The following CSGALNACT1 variants were observed in gnomAD, a reference collection of about 807,000 sequenced individuals.
The protein encoded by CSGALNACT1 is chondroitin sulfate N-acetylgalactosaminyltransferase 1.
CSGALNACT1 carries 52 observed loss-of-function variants against 51.0 expected under a neutral mutation model. The observed-to-expected ratio is 1.02, with a 90% confidence interval of 0.82 to 1.29. The LOEUF is 1.29. Among genes scored for constraint, CSGALNACT1 ranks in the 50% most tolerant of loss-of-function variants. CSGALNACT1 has a pLI of 0.00. For missense variants in CSGALNACT1, 935 were observed against 679.2 expected, an observed-to-expected ratio of 1.38 and a Z score of -4.19; for synonymous variants, 341 against 254.4, an observed-to-expected ratio of 1.34 and a Z score of -3.24.
rs143340557 is a variant in CSGALNACT1 at position 19,647,243 on chromosome 8, C to G, written c.-544+35230G>C. Among the ~76,000 whole-genome samples the G allele has an allele frequency of 1.9e-3, 294 of 152,192 alleles. 1 individual carries two copies. Among genetic ancestry groups the G allele is most frequent in the African/African-American group, 6.8e-3 (281 of 41,522 alleles). On this transcript the variant is annotated intron_variant, in intron 1 of 9. Coordinates refer to the CSGALNACT1 transcript ENST00000332246. ...CCAACAAGTATTTCCTGATTTTATA[C>G]CCCAGTGACTAAAAATGGCTACACG...
chr8:19,527,320 G>T (rs945973376), intron 3 of CSGALNACT1, among the ~76,000 whole-genome samples: 17 of 152,156 alleles, frequency 1.1e-4, no homozygotes, highest in African/African-American at 4.1e-4. Flanking sequence ...ATAAAAGAGG[G>T]CCAGGAACAG....
chr8:19,679,307 T>G (rs183554623), intron 1 of CSGALNACT1, among the ~76,000 whole-genome samples: 1 of 151,446 alleles, frequency 6.6e-6, no homozygotes, highest in East Asian at 1.9e-4. Context: ...ATACAAAAAT[T>G]AGTGGGGTTT....
At chr8:19,554,114 A>C (rs1308053216) in intron 3 of CSGALNACT1, among the ~76,000 whole-genome samples, 1 of 152,198 alleles carries the variant, frequency 6.6e-6, no homozygotes, top group Non-Finnish European at 1.5e-5. Context: ...TGAAAAAACA[A>C]AGCCCACAGC....
chr8:19,574,164 T>C (rs2043637137), intron 3 of CSGALNACT1, among the ~76,000 whole-genome samples: 1 of 152,236 alleles, frequency 6.6e-6, no homozygotes, highest in Admixed American at 6.5e-5. Context: ...TCTCCAGCCC[T>C]GGCCTCCCAA....
chr8:19,695,646 T>C (rs2061545487), intron 1 of CSGALNACT1, among the ~76,000 whole-genome samples: 1 of 152,134 alleles, frequency 6.6e-6, no homozygotes, highest in Non-Finnish European at 1.5e-5. Context: ...GTACTGCAGA[T>C]TGGAGTAGAG....
chr8:19,613,632 C>G (rs1182374419), intron 1 of CSGALNACT1, among the ~76,000 whole-genome samples: 1 of 152,164 alleles, frequency 6.6e-6, no homozygotes, highest in Non-Finnish European at 1.5e-5. Context: ...TTGTTTGTTC[C>G]TACTGGAGCT....
At chr8:19,473,608 T>A (rs1307199889) in intron 4 of CSGALNACT1, among the ~76,000 whole-genome samples, 1 of 152,226 alleles carries the variant, frequency 6.6e-6, no homozygotes. Flanking sequence ...TTCCTAGTCT[T>A]AAAAATTAGA....
chr8:19,682,602 C>A (rs1317094873), upstream of CSGALNACT1: 4 of 453,832 alleles, frequency 8.8e-6, no homozygotes, highest in African/African-American at 4.0e-5. Context: ...CTGATGTACA[C>A]TGGGACTTCA....
intron 1 of CSGALNACT1, among the ~76,000 whole-genome samples, chr8:19,658,520 G>A (rs1554789084): frequency 6.6e-6 from 1 of 152,130 alleles, no homozygotes; most frequent in Non-Finnish European, 1.5e-5. Context: ...GATCACCTGA[G>A]GTCAGGAGTT....
chr8:19,603,970 T>C (rs553311013), upstream of CSGALNACT1, among the ~76,000 whole-genome samples: 312 of 152,252 alleles, frequency 2.0e-3, 3 homozygotes, highest in African/African-American at 7.3e-3. Context: ...AGCCCTGGAG[T>C]GTGTGGTACT....
At chr8:19,544,585 C>A (rs2086039609) in intron 3 of CSGALNACT1, among the ~76,000 whole-genome samples, 1 of 152,122 alleles carries the variant, frequency 6.6e-6, no homozygotes. Context: ...GCTTTTTAAC[C>A]TCTCTGGTGT....
chr8:19,648,762 G>A (rs1009169777), intron 1 of CSGALNACT1, among the ~76,000 whole-genome samples: 14 of 152,150 alleles, frequency 9.2e-5, no homozygotes, highest in African/African-American at 1.7e-4. Context: ...CCATGGTGGC[G>A]CCAACTGCAC....
At chr8:19,596,822 T>G (rs887966045) in intron 2 of CSGALNACT1, among the ~76,000 whole-genome samples, 1 of 152,244 alleles carries the variant, frequency 6.6e-6, no homozygotes. Context: ...TTATTTTTAA[T>G]TGTAAAATTC....
intron 1 of CSGALNACT1, among the ~76,000 whole-genome samples, chr8:19,681,015 T>C (rs935584420): frequency 6.6e-6 from 1 of 152,108 alleles, no homozygotes; most frequent in African/African-American, 2.4e-5. Flanking sequence ...ACGATGTGTG[T>C]AGGTTACACA....
chr8:19,620,622 T>TGGG (rs1469114515), intron 1 of CSGALNACT1, among the ~76,000 whole-genome samples: 2 of 151,972 alleles, frequency 1.3e-5, no homozygotes, highest in African/African-American at 2.4e-5. Context: ...ATTGTTGAGA[T>TGGG]GGGGGTCTCA....
At chr8:19,418,846 G>T in intron 7 of CSGALNACT1, 96 bp from the exon 7 acceptor site, 1 of 833,720 alleles carries the variant, frequency 1.2e-6, no homozygotes, top group Non-Finnish European at 2.0e-6. Context: ...CCAGATATTT[G>T]CACCCACTTT....
intron 3 of CSGALNACT1, among the ~76,000 whole-genome samples, chr8:19,546,525 G>A (rs932458668): frequency 6.6e-6 from 1 of 152,098 alleles, no homozygotes; most frequent in Non-Finnish European, 1.5e-5. Flanking sequence ...GGAACACAAA[G>A]CTAACTACAA....
chr8:19,496,575 A>G (rs946136462), intron 4 of CSGALNACT1, among the ~76,000 whole-genome samples: 2 of 152,232 alleles, frequency 1.3e-5, no homozygotes, highest in African/African-American at 4.8e-5. Context: ...TGAAAGAAGC[A>G]TCCCTTACCA....
Position 19,443,546 on chromosome 8 carries a change from A to T in CSGALNACT1, c.852-3615T>A, listed in dbSNP as rs1476416451. 3.9e-5 allele frequency among the ~76,000 whole-genome samples: 6 copies of T among 152,202 alleles called. No individual in the cohort carries two copies. In the East Asian group the frequency reaches 9.6e-4, roughly 24 times the overall value. ...AAGGAGGATCAAAGGCACATCTTAC[A>T]TGGTGGCAGGCAAGAGAGCTTGTGC... is the stretch of plus-strand genomic sequence containing the variant. On this transcript the variant is annotated intron_variant, in intron 5 of 9. Coordinates refer to ENST00000454498, the Ensembl canonical transcript of CSGALNACT1.
Sources: gnomAD v4.1 joint callset for allele counts (sites outside exome capture counted in the v4.1 genomes callset) on GRCh38, gnomAD v4.1.1 for gene constraint, MANE v1.5 for transcripts, NCBI Gene and HGNC (gene_info 2026-07-23, HGNC 2026-07-21) for gene names.